Variants in STS observed in about 807,000 individuals in gnomAD.
The protein encoded by STS is steryl-sulfatase.
A neutral mutation model predicts 26.8 loss-of-function variants in STS; 7 were observed. That is an observed-to-expected ratio of 0.26 (90% CI 0.15 to 0.49). The LOEUF (loss-of-function observed/expected upper bound fraction) is 0.49, where lower values mean the gene tolerates loss of function less well. Among genes scored for constraint, STS ranks in the 20% least tolerant of loss-of-function variants. STS has a pLI of 0.98. For synonymous variants in STS, 199 were observed against 189.4 expected (o/e 1.05, Z -0.42); for missense variants, 434 against 465.6 (o/e 0.93, Z 0.63).
At chrX:7,311,342 T>G (rs1926467334) in intron 8 of STS, among the ~76,000 whole-genome samples, 1 of 111,568 alleles carries the variant, frequency 9.0e-6, no homozygotes, top group African/African-American at 3.3e-5. Context: ...CACCACAAAC[T>G]GGGTGACTTA....
rs1932904600 is a variant in STS at position 7,147,845 on chromosome X, C to T, written c.-372C>T. The stretch of plus-strand genomic sequence containing the variant: ...GCCGCGTAGACGCCGCGGCCACGCG[C>T]GCCCGCCAGCCCGGACATGGGCCCG... On this transcript the variant is annotated 5_prime_UTR_variant, in exon 1 of 11. Coordinates refer to ENST00000674429, the MANE Select transcript of STS (RefSeq NM_001320752.2). The T allele has an allele frequency of 1.9e-5, 3 of 158,152 alleles. No homozygotes were observed. The allele number at this position is 158,152 out of a possible 1,213,427, so 13.0% of individuals were successfully genotyped here. A position where few individuals can be genotyped will look rare whatever the true frequency, so the allele number is the denominator to read the frequency against.
At chrX:7,156,710 A>G (rs755026484) in intron 1 of STS, among the ~76,000 whole-genome samples, 2 of 112,395 alleles carry the variant, frequency 1.8e-5, no homozygotes, top group African/African-American at 6.5e-5. Flanking sequence ...ATGGAAATGC[A>G]GTGGCTGTGA....
intron 2 of STS, among the ~76,000 whole-genome samples, chrX:7,208,562 G>A (rs1437244067): frequency 1.8e-5 from 2 of 111,377 alleles, no homozygotes; most frequent in African/African-American, 6.5e-5. Flanking sequence ...CTTTTTTCTT[G>A]TATTTCTAGA....
At chrX:7,307,726 C>T (rs1178529726) in intron 8 of STS, among the ~76,000 whole-genome samples, 1 of 111,536 alleles carries the variant, frequency 9.0e-6, no homozygotes, top group Non-Finnish European at 1.9e-5. Context: ...TGATATCTGG[C>T]CTGTGGGCGT....
intron 2 of STS, among the ~76,000 whole-genome samples, chrX:7,239,379 G>A (rs190135195): frequency 8.0e-5 from 9 of 112,001 alleles, no homozygotes; most frequent in African/African-American, 2.6e-4. Flanking sequence ...ATTGTTTGTC[G>A]TGCAAGTTTT....
chrX:7,337,879 G>A (rs1601759345), intron 10 of STS, among the ~76,000 whole-genome samples: 1 of 111,793 alleles, frequency 8.9e-6, no homozygotes, highest in East Asian at 2.8e-4. Flanking sequence ...ATTACTTAGA[G>A]GATTAAATGT....
intron 2 of STS, among the ~76,000 whole-genome samples, chrX:7,242,370 C>T (rs1273492290): frequency 1.9e-4 from 21 of 109,573 alleles, no homozygotes; most frequent in Admixed American, 1.6e-3. Flanking sequence ...TGGCCTCTTA[C>T]TATGATTCCC....
chrX:7,158,982 A>G (rs1471722085), intron 1 of STS, among the ~76,000 whole-genome samples: 1 of 111,759 alleles, frequency 8.9e-6, no homozygotes, highest in Non-Finnish European at 1.9e-5. Flanking sequence ...ATCCTTAGTT[A>G]TTATTAAGAC....
chrX:7,291,267 C>T (rs1925402458), intron 7 of STS, among the ~76,000 whole-genome samples: 1 of 111,272 alleles, frequency 9.0e-6, no homozygotes, highest in Non-Finnish European at 1.9e-5. Flanking sequence ...TCTGGGCTCA[C>T]CCACTTGGAC....
At chrX:7,294,787 A>G (rs1925588478) in intron 7 of STS, among the ~76,000 whole-genome samples, 1 of 111,773 alleles carries the variant, frequency 8.9e-6, no homozygotes. Context: ...TTGTGAATTG[A>G]ATTCAGACAG....
chrX:7,187,298 T>C (rs1933791439), intron 1 of STS, among the ~76,000 whole-genome samples: 1 of 112,262 alleles, frequency 8.9e-6, no homozygotes, highest in Non-Finnish European at 1.9e-5. Flanking sequence ...ATCTCTAGAA[T>C]ATTCACAGTG....
At chrX:7,294,958 A>G (rs1364061380) in intron 7 of STS, among the ~76,000 whole-genome samples, 4 of 111,819 alleles carry the variant, frequency 3.6e-5, no homozygotes, top group Non-Finnish European at 7.5e-5. Context: ...CAGATACTAT[A>G]AAGATATCTG....
chrX:7,230,870 G>A (rs1468069877), intron 2 of STS, among the ~76,000 whole-genome samples: 1 of 111,787 alleles, frequency 8.9e-6, no homozygotes, highest in Non-Finnish European at 1.9e-5. Context: ...AGGCATAAAA[G>A]GAACAAAGTA....
intron 8 of STS, among the ~76,000 whole-genome samples, chrX:7,324,256 G>A (rs1281393689): frequency 2.7e-5 from 3 of 110,934 alleles, no homozygotes; most frequent in African/African-American, 9.9e-5. Context: ...TTAAAGACCT[G>A]CAGTCAATAG....
intron 2 of STS, among the ~76,000 whole-genome samples, chrX:7,204,987 C>T (rs1227026715): frequency 1.8e-5 from 2 of 111,657 alleles, no homozygotes; most frequent in Non-Finnish European, 3.8e-5. Flanking sequence ...GTTTTGCTGA[C>T]CTGCTTTGTG....
At chrX:7,254,577 CTTTTT>C (rs34965003) in intron 3 of STS, among the ~76,000 whole-genome samples, 10 of 73,072 alleles carry the variant, frequency 1.4e-4, no homozygotes, top group African/African-American at 4.8e-4. Context: ...TTTTCTTCTT[CTTTTT>C]TTTTTTTTTT....
chrX:7,201,324 G>A (rs193197602), intron 2 of STS, among the ~76,000 whole-genome samples: 11 of 111,928 alleles, frequency 9.8e-5, no homozygotes, highest in Admixed American at 3.8e-4. Flanking sequence ...TGTTCTCAAA[G>A]GGACATGTTT....
chrX:7,349,783 C>A, intron 10 of STS, 105 bp from the exon 11 acceptor site: 1 of 1,098,535 alleles, frequency 9.1e-7, no homozygotes, highest in Non-Finnish European at 1.3e-6. Flanking sequence ...GATATCTTCA[C>A]CTTCTTAAAG....
intron 10 of STS, among the ~76,000 whole-genome samples, chrX:7,339,854 C>G (rs1928200860): frequency 9.0e-6 from 1 of 111,078 alleles, no homozygotes; most frequent in Non-Finnish European, 1.9e-5. Flanking sequence ...TATGGAACTT[C>G]ATATTACCTT....
Sources: gnomAD v4.1 joint callset for allele counts (sites outside exome capture counted in the v4.1 genomes callset) on GRCh38, gnomAD v4.1.1 for gene constraint, MANE v1.5 for transcripts, NCBI Gene and HGNC (gene_info 2026-07-23, HGNC 2026-07-21) for gene names.